The following TCERG1L variants were observed in gnomAD, a reference collection of about 807,000 sequenced individuals.
TCERG1L encodes transcription elongation regulator 1 like.
A neutral mutation model predicts 56.3 loss-of-function variants in TCERG1L; 37 were observed. The observed-to-expected ratio is 0.66, with a 90% CI of 0.51 to 0.87. The LOEUF is 0.87. Among genes scored for constraint, TCERG1L ranks in the 40% least tolerant of loss-of-function variants. The probability of loss-of-function intolerance (pLI) is 0.00; values close to 1 mark genes in which losing one functional copy is unlikely to be tolerated. For synonymous variants in TCERG1L, 324 were observed against 326.3 expected, an observed-to-expected ratio of 0.99 and a Z score of 0.08; for missense variants, 799 against 774.2, an observed-to-expected ratio of 1.03 and a Z score of -0.38.
chr10:131,262,806 C>A (rs1846247639), intron 3 of TCERG1L, among the ~76,000 whole-genome samples: 1 of 152,130 alleles, frequency 6.6e-6, no homozygotes, highest in Non-Finnish European at 1.5e-5. Context: ...CCCTAAAACT[C>A]CCCTGGCCTC....
chr10:131,152,230 C>T (rs545507381), intron 6 of TCERG1L, among the ~76,000 whole-genome samples: 1 of 152,316 alleles, frequency 6.6e-6, no homozygotes, highest in African/African-American at 2.4e-5. Context: ...ATTTTCCAAA[C>T]TGTTATGCTC....
intron 4 of TCERG1L, among the ~76,000 whole-genome samples, chr10:131,255,610 G>C (rs550264751): frequency 3.3e-4 from 51 of 152,346 alleles, no homozygotes; most frequent in African/African-American, 7.9e-4. Flanking sequence ...GCTGTGGCGT[G>C]CATGATATAT....
At chr10:131,102,631 TGGCTCTTCTGTTTTCAGC>T (rs1423698162) in intron 10 of TCERG1L, among the ~76,000 whole-genome samples, 2 of 152,204 alleles carry the variant, frequency 1.3e-5, no homozygotes, top group Non-Finnish European at 2.9e-5. Flanking sequence ...TAATTAACTC[TGGCTCTTCTGTTTTCAGC>T]GGCTCTTCTT....
chr10:131,260,054 T>C lies in TCERG1L; in HGVS notation c.856+205A>G, dbSNP rs1029139292. 2.0e-5 allele frequency among the ~76,000 whole-genome samples: 3 copies of C among 152,208 alleles called. No homozygotes were observed. Among genetic ancestry groups the C allele is most frequent in the African/African-American group, 4.8e-5 (2 of 41,454 alleles). On this transcript the variant is annotated intron_variant, in intron 4 of 11. Coordinates refer to ENST00000368642, the MANE Select transcript of TCERG1L (RefSeq NM_174937.4). The surrounding 1 kb of genome is among the most constrained non-coding windows in gnomAD (Gnocchi z 5.8). ...ACAGCAGGAAGTGCCAGGGTGGACC[T>C]GACAAGGTGGCTCAGTGGAGTCGGG...
In TCERG1L at chr10:131,311,518, C is replaced by A; in HGVS notation, c.118G>T (p.Val40Phe). The A allele has an allele frequency of 8.3e-7, 1 of 1,202,024 alleles. No homozygotes were observed. The highest frequency in any genetic ancestry group is 3.8e-5 in the East Asian group (1 of 26,152). 74.5% of individuals were successfully genotyped at this position (1,202,024 alleles called of 1,614,324 possible). A position where few individuals can be genotyped will look rare whatever the true frequency, so the allele number is the denominator to read the frequency against. Residue 40 changes from valine (V) to phenylalanine (F), a missense_variant, in exon 1 of 12, where the codon GTC (valine) becomes TTC (phenylalanine). Val to Phe is a conservative substitution (Grantham distance 50, BLOSUM62 -1). Transcript: ENST00000368642. The surrounding 1 kb of genome is among the most constrained non-coding windows in gnomAD (Gnocchi z 4.0). ...DAEPPPPPPWVWMVPGSAGLL... is the reference protein window; with the variant it reads ...DAEPPPPPPWFWMVPGSAGLL... Reference sequence around the variant, plus strand: ...CCGGCCGAGCCCGGCACCATCCAGACCCAGGGCGGCGGCGGCGGCGGCTCT... The same window carrying A: ...CCGGCCGAGCCCGGCACCATCCAGAACCAGGGCGGCGGCGGCGGCGGCTCT...
At chr10:131,281,674 T>A (rs4751354) in intron 3 of TCERG1L, among the ~76,000 whole-genome samples, 23 of 152,078 alleles carry the variant, frequency 1.5e-4, no homozygotes, top group South Asian at 1.2e-3. Flanking sequence ...TCCCCCTGGC[T>A]ACTCTCCCGA....
At chr10:131,286,127 T>A (rs930331651) in intron 3 of TCERG1L, among the ~76,000 whole-genome samples, 2 of 152,228 alleles carry the variant, frequency 1.3e-5, no homozygotes, top group Non-Finnish European at 2.9e-5. Context: ...CGTCCGTGGC[T>A]CTTGCACAGT....
rs759932675 is a variant in TCERG1L at position 131,105,012 on chromosome 10, C to T, written c.1396-658G>A. Among the ~76,000 whole-genome samples the T allele has an allele frequency of 2.0e-5, 3 of 152,222 alleles. No homozygotes were observed. In the South Asian group the frequency reaches 6.2e-4, roughly 31 times the overall value. The stretch of plus-strand genomic sequence containing the variant: ...CCCAATTTTCCATTTCTGCCAAGGA[C>T]CTCATCACATTTCGCTGCCATATCT... On this transcript the variant is annotated intron_variant, in intron 9 of 11. Transcript: ENST00000368642.
chr10:131,308,600 C>G (rs1846841887), intron 2 of TCERG1L, among the ~76,000 whole-genome samples: 1 of 152,174 alleles, frequency 6.6e-6, no homozygotes, highest in South Asian at 2.1e-4. Flanking sequence ...TCTGGGCTGG[C>G]CTTCAACTAT....
At chr10:131,122,358 G>A (rs991461958) in intron 8 of TCERG1L, among the ~76,000 whole-genome samples, 3 of 152,164 alleles carry the variant, frequency 2.0e-5, no homozygotes, top group Admixed American at 1.3e-4. Context: ...TTAGAGAGTT[G>A]GAATGTCCAG....
At chr10:131,147,859 G>A (rs1845816736) in intron 6 of TCERG1L, among the ~76,000 whole-genome samples, 2 of 152,266 alleles carry the variant, frequency 1.3e-5, no homozygotes, top group East Asian at 1.9e-4. Context: ...TTCGGGAGGA[G>A]CTGGGGATTC....
chr10:131,301,727 T>C (rs1339782553), intron 3 of TCERG1L, among the ~76,000 whole-genome samples: 1 of 151,012 alleles, frequency 6.6e-6, no homozygotes, highest in Non-Finnish European at 1.5e-5. Context: ...AATAACCATA[T>C]AAAACAAAAG....
At chr10:131,250,060 G>A (rs1387160724) in intron 4 of TCERG1L, among the ~76,000 whole-genome samples, 1 of 152,186 alleles carries the variant, frequency 6.6e-6, no homozygotes, top group Non-Finnish European at 1.5e-5. Context: ...TGAGTCACGG[G>A]GCACCAAGGA....
chr10:131,116,614 C>A (rs904387163), intron 9 of TCERG1L, among the ~76,000 whole-genome samples, 185 bp downstream of exon 9: 1 of 152,188 alleles, frequency 6.6e-6, no homozygotes, highest in Non-Finnish European at 1.5e-5. Flanking sequence ...CCCTCAGGCC[C>A]TGGGATGGCG....
intron 7 of TCERG1L, among the ~76,000 whole-genome samples, chr10:131,141,065 G>A (rs1169745522): frequency 6.6e-6 from 1 of 152,198 alleles, no homozygotes; most frequent in South Asian, 2.1e-4. Context: ...CAACTACCCC[G>A]AATAGGAGAT....
intron 1 of TCERG1L, 43 bp from the exon 2 acceptor site, chr10:131,309,342 C>T: frequency 6.4e-7 from 1 of 1,559,550 alleles, no homozygotes; most frequent in Non-Finnish European, 8.6e-7. Context: ...AGCCTGAATC[C>T]ATCCACTCGA....
intron 7 of TCERG1L, among the ~76,000 whole-genome samples, chr10:131,141,575 G>A (rs1376942157): frequency 2.0e-5 from 3 of 152,000 alleles, no homozygotes; most frequent in African/African-American, 7.2e-5. Context: ...TGGTTCAGAA[G>A]AAAAGGAACT....
intron 4 of TCERG1L, among the ~76,000 whole-genome samples, chr10:131,222,315 G>A (rs929645353): frequency 1.3e-5 from 2 of 152,258 alleles, no homozygotes; most frequent in Admixed American, 6.5e-5. Context: ...TGTGCGGACA[G>A]TGACGGCTGC....
At chr10:131,255,759 G>A (rs1272265097) in intron 4 of TCERG1L, among the ~76,000 whole-genome samples, 1 of 152,244 alleles carries the variant, frequency 6.6e-6, no homozygotes, top group African/African-American at 2.4e-5. Context: ...GAGGTCCCAG[G>A]AGCATCGTTT....
Sources: gnomAD v4.1 joint callset for allele counts (sites outside exome capture counted in the v4.1 genomes callset) on GRCh38, gnomAD v4.1.1 for gene constraint, Gnocchi (gnomAD v3.1) non-coding constraint, MANE v1.5 for transcripts, NCBI Gene and HGNC (gene_info 2026-07-23, HGNC 2026-07-21) for gene names.